The following NALF1 variants were observed in gnomAD, a reference collection of about 807,000 sequenced individuals.
The protein encoded by NALF1 is NALCN channel auxiliary factor 1, also known as family with sequence similarity 155 member A.
NALF1 carries 3 observed loss-of-function variants against 48.4 expected under a neutral mutation model. The ratio of observed to expected loss-of-function variants is 0.06; its 90% CI spans 0.03 to 0.16. The LOEUF (loss-of-function observed/expected upper bound fraction) is 0.16. Ranked by LOEUF, NALF1 falls within the 10% of genes least tolerant of loss-of-function variation. The pLI, the probability that NALF1 is intolerant of heterozygous loss-of-function variation, is 1.00. For missense variants in NALF1, 526 were observed against 571.5 expected, an observed-to-expected ratio of 0.92 and a Z score of 0.81; for synonymous variants, 262 against 245.7, an observed-to-expected ratio of 1.07 and a Z score of -0.62.
intron 1 of NALF1, among the ~76,000 whole-genome samples, chr13:107,673,973 G>A (rs1881054100): frequency 6.6e-6 from 1 of 152,054 alleles, no homozygotes; most frequent in African/African-American, 2.4e-5. Flanking sequence ...CACATGAGCT[G>A]GGCAGCAGCT....
chr13:107,275,775 G>A (rs1881268053), intron 1 of NALF1, among the ~76,000 whole-genome samples: 1 of 152,170 alleles, frequency 6.6e-6, no homozygotes. Context: ...TGAAATTCAA[G>A]GTTGTCAGGG....
intron 1 of NALF1, among the ~76,000 whole-genome samples, chr13:107,307,654 A>AAC (rs993820760): frequency 1.3e-5 from 2 of 151,200 alleles, no homozygotes; most frequent in African/African-American, 2.4e-5. Context: ...AAAAAAAAAA[A>AAC]AACTTGCTGG....
chr13:107,181,314 TTAAAAA>T (rs1390172633), intron 2 of NALF1, among the ~76,000 whole-genome samples: 1 of 151,448 alleles, frequency 6.6e-6, no homozygotes, highest in African/African-American at 2.4e-5. Context: ...TAAAATATTC[TTAAAAA>T]TAAAACACTT....
intron 1 of NALF1, among the ~76,000 whole-genome samples, chr13:107,659,848 T>C (rs1880682009): frequency 6.6e-6 from 1 of 151,548 alleles, no homozygotes; most frequent in Non-Finnish European, 1.5e-5. Flanking sequence ...TCTCGCTCTG[T>C]TGCCCAGGCT....
At chr13:107,278,096 G>A (rs774846713) in intron 1 of NALF1, among the ~76,000 whole-genome samples, 7 of 152,144 alleles carry the variant, frequency 4.6e-5, no homozygotes, top group South Asian at 2.1e-4. Flanking sequence ...TGAAGTATCC[G>A]TTGCCTTGTT....
At chr13:107,273,577 A>G (rs1396851826) in intron 1 of NALF1, among the ~76,000 whole-genome samples, 3 of 152,190 alleles carry the variant, frequency 2.0e-5, no homozygotes, top group African/African-American at 7.2e-5. Context: ...AACTATCACA[A>G]AAAGCTGTCC....
At chr13:107,447,855 T>C (rs1288189394) in intron 1 of NALF1, among the ~76,000 whole-genome samples, 1 of 152,132 alleles carries the variant, frequency 6.6e-6, no homozygotes, top group Non-Finnish European at 1.5e-5. Flanking sequence ...GATTTACCAA[T>C]GGTAAATCAC....
intron 1 of NALF1, among the ~76,000 whole-genome samples, chr13:107,278,552 T>C (rs1032202085): frequency 2.6e-5 from 4 of 152,250 alleles, no homozygotes; most frequent in African/African-American, 9.6e-5. Flanking sequence ...GAATCTATCA[T>C]ATTTTTCATA....
At position 107,323,835 on chromosome 13, in the gene NALF1, C is replaced by T. The variant is rs531692092; in HGVS notation, c.916-113080G>A. On this transcript the variant is annotated intron_variant, in intron 1 of 2. Coordinates refer to ENST00000375915, the MANE Select transcript of NALF1 (RefSeq NM_001080396.3). ...ACTTATCCAAGAGACTGTTTGAATA[C>T]ACCTGCCTTTATTTTCTCTAGGAAT... is the stretch of plus-strand genomic sequence containing the variant. 6.6e-5 allele frequency among the ~76,000 whole-genome samples: 10 copies of T among 152,292 alleles called. No individual in the cohort carries two copies. In the South Asian group the frequency reaches 1.2e-3, roughly 19 times the overall value.
intron 2 of NALF1, among the ~76,000 whole-genome samples, chr13:107,174,976 C>T (rs1390045962): frequency 2.7e-5 from 4 of 149,552 alleles, no homozygotes; most frequent in African/African-American, 9.9e-5. Flanking sequence ...CTCCGCCTCC[C>T]GGGTTCACGC....
intron 1 of NALF1, among the ~76,000 whole-genome samples, chr13:107,324,640 CTCATAGAAT>C (rs1882316898): frequency 6.6e-6 from 1 of 152,126 alleles, no homozygotes; most frequent in Non-Finnish European, 1.5e-5. Context: ...CATGCATTGA[CTCATAGAAT>C]GTTGCGTATC....
intron 1 of NALF1, among the ~76,000 whole-genome samples, chr13:107,634,056 A>G (rs1013828836): frequency 2.0e-5 from 3 of 151,980 alleles, no homozygotes; most frequent in Non-Finnish European, 4.4e-5. Context: ...AATAATCAAG[A>G]TACATGTATC....
chr13:107,230,542 GA>G (rs1880198337), intron 1 of NALF1, among the ~76,000 whole-genome samples: 1 of 151,636 alleles, frequency 6.6e-6, no homozygotes, highest in Non-Finnish European at 1.5e-5. Flanking sequence ...CAAGATGTAA[GA>G]AATAGAATTA....
Position 107,755,095 on chromosome 13 carries a change from G to A in NALF1, c.915+110587C>T, listed in dbSNP as rs554355523. Reference sequence around the variant, plus strand: ...GAGAAAAACTGCAAAGGCATAAGGAGTTAAAACCTTTAAAAGTACAAAAAC... The same window carrying A: ...GAGAAAAACTGCAAAGGCATAAGGAATTAAAACCTTTAAAAGTACAAAAAC... On this transcript the variant is annotated intron_variant, in intron 1 of 2. Coordinates refer to ENST00000375915, the MANE Select transcript of NALF1 (RefSeq NM_001080396.3). 1.8e-4 allele frequency among the ~76,000 whole-genome samples: 27 copies of A among 152,194 alleles called. 2 individuals carry two copies. The South Asian group carries it at 4.8e-3, about 27-fold the overall frequency.
chr13:107,618,618 G>A (rs1268695717), intron 1 of NALF1, among the ~76,000 whole-genome samples: 4 of 152,146 alleles, frequency 2.6e-5, no homozygotes, highest in East Asian at 1.9e-4. Flanking sequence ...GAGCGAAGAC[G>A]ATGGGTAGCT....
At chr13:107,377,288 T>C (rs1047380408) in intron 1 of NALF1, among the ~76,000 whole-genome samples, 2 of 152,134 alleles carry the variant, frequency 1.3e-5, no homozygotes, top group Non-Finnish European at 2.9e-5. Context: ...AGGCGTGGAG[T>C]TGCAGAGCTA....
chr13:107,170,889 G>C, intron 2 of NALF1, 103 bp from the exon 3 acceptor site: 1 of 1,021,214 alleles, frequency 9.8e-7, no homozygotes, highest in Admixed American at 2.3e-5. Context: ...AATCTTACAG[G>C]CAATTAGACA....
At chr13:107,281,248 T>C (rs1881379889) in intron 1 of NALF1, among the ~76,000 whole-genome samples, 1 of 152,196 alleles carries the variant, frequency 6.6e-6, no homozygotes, top group Non-Finnish European at 1.5e-5. Context: ...CAAATAACTC[T>C]GGTACATGGT....
At chr13:107,292,987 TTTTTC>T (rs1174107091) in intron 1 of NALF1, among the ~76,000 whole-genome samples, 1 of 64,576 alleles carries the variant, frequency 1.5e-5, no homozygotes, top group Non-Finnish European at 3.3e-5. Context: ...ATAGTTTTTC[TTTTTC>T]TTTTTTTTTT....
Sources: allele counts gnomAD v4.1 joint callset (sites outside exome capture counted in the v4.1 genomes callset), GRCh38; gene constraint gnomAD v4.1.1; transcripts MANE v1.5; gene names NCBI Gene and HGNC (gene_info 2026-07-23, HGNC 2026-07-21).